SATL1: variants seen among roughly 807,000 people sequenced by gnomAD.
SATL1 encodes spermidine/spermine N1-acetyl transferase like 1, also known as spermidine/spermine N(1)-acetyltransferase-like protein 1.
A neutral mutation model predicts 51.8 loss-of-function variants in SATL1; 47 were observed. The ratio of observed to expected loss-of-function variants is 0.91; its 90% CI spans 0.72 to 1.16. The LOEUF is 1.16. Among genes scored for constraint, SATL1 ranks in the 50% most tolerant of loss-of-function variants. The probability of loss-of-function intolerance (pLI) is 0.00; values close to 1 mark genes in which losing one functional copy is unlikely to be tolerated. For synonymous variants in SATL1, 176 were observed against 182.4 expected (o/e 0.97, Z 0.28); for missense variants, 520 against 526.4 (o/e 0.99, Z 0.12).
chrX:85,145,298 T>G (rs1926207018), intron 2 of SATL1, among the ~76,000 whole-genome samples: 2 of 111,592 alleles, frequency 1.8e-5, no homozygotes, highest in Admixed American at 1.9e-4. Flanking sequence ...TTATGCTTAT[T>G]TTTATGTCTG....
At chrX:85,133,818 GC>G (rs1925879791) in intron 2 of SATL1, among the ~76,000 whole-genome samples, 1 of 111,831 alleles carries the variant, frequency 8.9e-6, no homozygotes, top group African/African-American at 3.3e-5. Context: ...TTATATTATT[GC>G]CTTATATTGC....
At chrX:85,149,740 G>A (rs1926369108) in intron 2 of SATL1, among the ~76,000 whole-genome samples, 1 of 106,025 alleles carries the variant, frequency 9.4e-6, no homozygotes, top group Non-Finnish European at 1.9e-5. Context: ...AATGAAGGCA[G>A]AAATAAAGAT....
chrX:85,230,717 C>T (rs1379002062), intron 1 of SATL1, among the ~76,000 whole-genome samples: 1 of 111,713 alleles, frequency 9.0e-6, no homozygotes, highest in Non-Finnish European at 1.9e-5. Context: ...AAAAAGCAAA[C>T]AAAACAAAGC....
chrX:85,189,817 A>G (rs1011617481), intron 2 of SATL1, among the ~76,000 whole-genome samples: 7 of 112,127 alleles, frequency 6.2e-5, no homozygotes, highest in African/African-American at 2.3e-4. Context: ...AGCATTCAAT[A>G]AGTAAATGCA....
chrX:85,178,216 C>T (rs1283142629), intron 2 of SATL1, among the ~76,000 whole-genome samples: 1 of 110,912 alleles, frequency 9.0e-6, no homozygotes, highest in East Asian at 2.8e-4. Flanking sequence ...TCAGTTCTGC[C>T]TCTCATTCAG....
intron 2 of SATL1, among the ~76,000 whole-genome samples, chrX:85,187,614 T>A (rs765485578): frequency 8.9e-6 from 1 of 112,156 alleles, no homozygotes; most frequent in South Asian, 3.7e-4. Flanking sequence ...ATGTAATATA[T>A]CACATTTATT....
At chrX:85,145,044 AT>A (rs1332341739) in intron 2 of SATL1, among the ~76,000 whole-genome samples, 4 of 110,357 alleles carry the variant, frequency 3.6e-5, no homozygotes, top group African/African-American at 1.3e-4. Flanking sequence ...TCAAAAAAAA[AT>A]AAAATAAATA....
intron 2 of SATL1, among the ~76,000 whole-genome samples, chrX:85,155,062 C>T (rs1040058592): frequency 9.0e-6 from 1 of 111,506 alleles, no homozygotes; most frequent in South Asian, 3.7e-4. Flanking sequence ...AACTCTCCAA[C>T]CTTTTTGTCA....
intron 2 of SATL1, among the ~76,000 whole-genome samples, chrX:85,204,669 G>A (rs1927756214): frequency 9.0e-6 from 1 of 111,373 alleles, no homozygotes; most frequent in Non-Finnish European, 1.9e-5. Flanking sequence ...GGGGGTTGAA[G>A]ACTAATTACC....
chrX:85,154,048 C>T (rs1177821339), intron 2 of SATL1: 5 of 111,744 alleles, frequency 4.5e-5, no homozygotes, highest in African/African-American at 6.5e-5. Flanking sequence ...TCATCAACAT[C>T]GTAATTAAAT....
intron 2 of SATL1, among the ~76,000 whole-genome samples, chrX:85,220,261 G>C (rs1162162705): frequency 9.0e-6 from 1 of 110,506 alleles, no homozygotes; most frequent in Admixed American, 9.7e-5. Context: ...ACTTGAGTTC[G>C]TGCAGACCTT....
intron 2 of SATL1, among the ~76,000 whole-genome samples, chrX:85,123,984 T>G (rs1397214005): frequency 8.9e-6 from 1 of 111,734 alleles, no homozygotes; most frequent in East Asian, 2.8e-4. Flanking sequence ...CTGTATTTTT[T>G]AAGTTGGAAG....
At chrX:85,194,198 C>T (rs1927502241) in intron 2 of SATL1, among the ~76,000 whole-genome samples, 1 of 112,113 alleles carries the variant, frequency 8.9e-6, no homozygotes. Context: ...AAAGACTTTT[C>T]TAAGCCATGG....
At chrX:85,139,867 A>G (rs186891069) in intron 2 of SATL1, among the ~76,000 whole-genome samples, 315 of 111,798 alleles carry the variant, frequency 2.8e-3, no homozygotes, top group African/African-American at 9.3e-3. Flanking sequence ...CTAAAGTATT[A>G]CATTCAGAAA....
chrX:85,209,646 T>C, intron 2 of SATL1: 1 of 111,572 alleles, frequency 9.0e-6, no homozygotes, highest in Non-Finnish European at 1.9e-5. Flanking sequence ...CAATCGTGAA[T>C]GGGAATTCAC....
At chrX:85,135,988 C>G (rs1330743698) in intron 2 of SATL1, among the ~76,000 whole-genome samples, 3 of 109,872 alleles carry the variant, frequency 2.7e-5, no homozygotes, top group African/African-American at 1.0e-4. Context: ...TGAAATAAAG[C>G]AGTAGAGGTA....
intron 2 of SATL1, among the ~76,000 whole-genome samples, chrX:85,170,171 C>T (rs748729963): frequency 9.0e-6 from 1 of 110,850 alleles, no homozygotes; most frequent in African/African-American, 3.3e-5. Context: ...AAATAACTAA[C>T]GGGTACTAGG....
At chrX:85,118,879 C>A (rs1318358434) in intron 2 of SATL1, among the ~76,000 whole-genome samples, 2 of 111,156 alleles carry the variant, frequency 1.8e-5, no homozygotes, top group Non-Finnish European at 3.8e-5. Context: ...TAAATATATA[C>A]AAGTTTTGTC....
chrX:85,181,977 T>A (rs368776022), intron 2 of SATL1, among the ~76,000 whole-genome samples: 3 of 111,676 alleles, frequency 2.7e-5, no homozygotes, highest in East Asian at 5.6e-4. Flanking sequence ...ACTGGACACA[T>A]AATAATTACA....
Sources: allele counts gnomAD v4.1 joint callset (sites outside exome capture counted in the v4.1 genomes callset), GRCh38; gene constraint gnomAD v4.1.1; transcripts MANE v1.5; gene names NCBI Gene and HGNC (gene_info 2026-07-23, HGNC 2026-07-21).